Variants in CACNA2D2 observed in about 807,000 individuals in gnomAD.
The protein encoded by CACNA2D2 is calcium voltage-gated channel auxiliary subunit alpha2delta 2.
A neutral mutation model predicts 166.4 loss-of-function variants in CACNA2D2; 48 were observed. That is an observed-to-expected ratio of 0.29 (90% confidence interval 0.23 to 0.37). The LOEUF is 0.37. Among genes scored for constraint, CACNA2D2 ranks in the 10% least tolerant of loss-of-function variants. The pLI is 1.00. For missense variants in CACNA2D2, 1,122 were observed against 1,433.0 expected, an observed-to-expected ratio of 0.78 and a Z score of 3.50; for synonymous variants, 561 against 573.7, an observed-to-expected ratio of 0.98 and a Z score of 0.32.
intron 2 of CACNA2D2, among the ~76,000 whole-genome samples, chr3:50,454,354 C>G (rs1298736869): frequency 6.6e-6 from 1 of 152,194 alleles, no homozygotes; most frequent in African/African-American, 2.4e-5. Flanking sequence ...GGGGGAGACT[C>G]GGGCAGAGGA....
At chr3:50,419,710 C>T (rs918027641) in intron 3 of CACNA2D2, 1 of 152,268 alleles carries the variant, frequency 6.6e-6, no homozygotes, top group African/African-American at 2.4e-5. Context: ...ACAGAGCCCT[C>T]AGGAGCTGGT....
chr3:50,429,592 C>CAA (rs1160685582), intron 3 of CACNA2D2, among the ~76,000 whole-genome samples: 6,072 of 52,398 alleles, frequency 0.12, 641 homozygotes, highest in East Asian at 0.39. Flanking sequence ...ACTAAAAATA[C>CAA]AAAAAAAAAA....
intron 3 of CACNA2D2, among the ~76,000 whole-genome samples, chr3:50,415,605 T>C (rs1707233922): frequency 1.3e-5 from 2 of 152,246 alleles, no homozygotes; most frequent in Admixed American, 1.3e-4. Flanking sequence ...CATCAGGTCC[T>C]CTGTTCCAGG....
chr3:50,485,874 C>T (rs1559996734), intron 1 of CACNA2D2, among the ~76,000 whole-genome samples: 2 of 152,102 alleles, frequency 1.3e-5, no homozygotes, highest in Non-Finnish European at 2.9e-5. Flanking sequence ...CCCGGGCCTC[C>T]CAGGGGCAAG....
chr3:50,370,993 G>A (rs991902878), intron 22 of CACNA2D2, among the ~76,000 whole-genome samples: 3 of 152,074 alleles, frequency 2.0e-5, no homozygotes, highest in Admixed American at 6.6e-5. Context: ...AACCAGAGAC[G>A]GGTCGGGGCA....
Position 50,370,304 on chromosome 3 carries a change from G to A in CACNA2D2, c.2045+16C>T. 1 of 1,570,562 alleles carries A rather than the reference G, an allele frequency of 6.4e-7. No individual in the cohort carries two copies. The highest frequency in any genetic ancestry group is 8.6e-7 in the Non-Finnish European group (1 of 1,157,888). The stretch of plus-strand genomic sequence containing the variant: ...GGGTAGGGGAGGACACCTCAGCAAG[G>A]CCACACGCAAGCTACCTGGGAGCAA... On this transcript the variant is annotated intron_variant, in intron 23 of 37. Coordinates refer to ENST00000424201, the MANE Select transcript of CACNA2D2 (RefSeq NM_006030.4).
chr3:50,384,302 A>G lies in CACNA2D2; in HGVS notation c.546T>C (p.Ser182=). The G allele has an allele frequency of 6.2e-7, 1 of 1,614,144 alleles. No homozygotes were observed. Among genetic ancestry groups the G allele is most frequent in the Non-Finnish European group, 8.5e-7 (1 of 1,179,988 alleles). Residue 182 remains serine (S), a synonymous_variant, in exon 6 of 38, where the codon TCT becomes TCC. Coordinates refer to ENST00000424201, the MANE Select transcript of CACNA2D2 (RefSeq NM_006030.4). ...AGTCCAGCCTTAGGGTGCTGGCCTTAGACCCCCTTTCCACATCCTCACTCT... is the reference window on the plus strand; with the variant it reads ...AGTCCAGCCTTAGGGTGCTGGCCTTGGACCCCCTTTCCACATCCTCACTCT... ...DPESEDVERG[S]KASTLRLDFI...
chr3:50,484,008 G>A (rs1017595715), intron 1 of CACNA2D2, among the ~76,000 whole-genome samples: 1 of 152,130 alleles, frequency 6.6e-6, no homozygotes, highest in African/African-American at 2.4e-5. Flanking sequence ...AGTCTTCAAT[G>A]CCCAGCTGCG....
Position 50,380,066 on chromosome 3 carries a change from G to T in CACNA2D2, c.843-48C>A. 6.3e-7 allele frequency: 1 copy of T among 1,586,188 alleles called. No homozygotes were observed. The highest frequency in any genetic ancestry group is 8.7e-7 in the Non-Finnish European group (1 of 1,154,878). ...AGGGTAAGGCCCACTGGGACCTTGT[G>T]GGTCCTTCCTTCCTTCACATACATA... On this transcript the variant is annotated intron_variant, in intron 8 of 37. Transcript: ENST00000424201. The surrounding 1 kb of genome is among the most constrained non-coding windows in gnomAD (Gnocchi z 4.9).
chr3:50,364,044 C>T lies in CACNA2D2; in HGVS notation c.*622G>A, dbSNP rs1704076053. On this transcript the variant is annotated 3_prime_UTR_variant, in exon 38 of 38. Coordinates refer to ENST00000424201, the MANE Select transcript of CACNA2D2 (RefSeq NM_006030.4). Reference sequence around the variant, plus strand: ...CAGTGGGGTATGTCGAATGTGAGTCCAGTTTCCATCCTCAATGTTCCAGGT... The same window carrying T: ...CAGTGGGGTATGTCGAATGTGAGTCTAGTTTCCATCCTCAATGTTCCAGGT... 2 of 153,214 alleles carry T rather than the reference C, an allele frequency of 1.3e-5. 1 individual carries two copies. Among genetic ancestry groups the T allele is most frequent in the South Asian group, 4.1e-4 (2 of 4,936 alleles). 9.5% of individuals were successfully genotyped at this position (153,214 alleles called of 1,614,324 possible). A position where few individuals can be genotyped will look rare whatever the true frequency, so the allele number is the denominator to read the frequency against.
intron 1 of CACNA2D2, among the ~76,000 whole-genome samples, chr3:50,493,263 G>C (rs1045725578): frequency 6.6e-6 from 1 of 152,188 alleles, no homozygotes; most frequent in African/African-American, 2.4e-5. Flanking sequence ...GGTAAATCCT[G>C]ATTAGCCGGA....
At chr3:50,444,042 G>T (rs1010086033) in intron 2 of CACNA2D2, among the ~76,000 whole-genome samples, 3 of 152,174 alleles carry the variant, frequency 2.0e-5, no homozygotes, top group African/African-American at 7.2e-5. Context: ...CGGAATTGAG[G>T]CCAGGAAGAA....
intron 2 of CACNA2D2, among the ~76,000 whole-genome samples, chr3:50,474,239 T>C (rs576081918): frequency 6.6e-6 from 1 of 152,134 alleles, no homozygotes; most frequent in Non-Finnish European, 1.5e-5. Flanking sequence ...ATCTCTCAAG[T>C]CCCATGAGAA....
Position 50,380,785 on chromosome 3 carries a change from T to C in CACNA2D2, c.805A>G (p.Lys269Glu). Residue 269 changes from lysine to glutamate, a missense_variant, in exon 8 of 38, where the codon AAG becomes GAG. This residue lies in a region of CACNA2D2 where 840 missense variants were observed against 1,166.8 expected (regional missense o/e 0.72). Transcript: ENST00000424201. The surrounding 1 kb of genome is among the most constrained non-coding windows in gnomAD (Gnocchi z 4.9). Reference protein sequence around the residue: ...YYPATPWRAPKKIDLYDVRRR... With the variant: ...YYPATPWRAPEKIDLYDVRRR... ...CGGACATCGTACAGGTCGATCTTCT[T>C]GGGGGCTCGCCACGGGGTGGCTGAG... The C allele has an allele frequency of 6.5e-7, 1 of 1,545,908 alleles. No homozygotes were observed. Among genetic ancestry groups the C allele is most frequent in the Non-Finnish European group, 8.7e-7 (1 of 1,146,760 alleles).
intron 22 of CACNA2D2, among the ~76,000 whole-genome samples, chr3:50,371,292 TTGGGCCTGTGCCC>T (rs771249817): frequency 1.1e-4 from 17 of 152,166 alleles, no homozygotes; most frequent in Non-Finnish European, 1.8e-4. Context: ...GCATCCCCAG[TTGGGCCTGTGCCC>T]TGGGCTTATG....
intron 3 of CACNA2D2, among the ~76,000 whole-genome samples, chr3:50,408,859 G>A (rs1332910699): frequency 6.6e-6 from 1 of 152,246 alleles, no homozygotes; most frequent in Non-Finnish European, 1.5e-5. Context: ...AACTGGAGAG[G>A]GCAGGACAGC....
At chr3:50,378,797 C>T (rs1705127844) in intron 13 of CACNA2D2, 118 bp downstream of exon 13, 1 of 1,218,854 alleles carries the variant, frequency 8.2e-7, no homozygotes, top group African/African-American at 1.5e-5. Context: ...TGGGAGGAGG[C>T]ACACTGTCTT....
intron 2 of CACNA2D2, among the ~76,000 whole-genome samples, chr3:50,437,078 A>C (rs2106904139): frequency 6.6e-6 from 1 of 152,312 alleles, no homozygotes; most frequent in Middle Eastern, 3.4e-3. Context: ...CCAAAAGCAG[A>C]GCTCTGGGGC....
intron 2 of CACNA2D2, among the ~76,000 whole-genome samples, chr3:50,466,271 CAT>C (rs752128219): frequency 2.9e-4 from 40 of 140,298 alleles, no homozygotes; most frequent in Admixed American, 6.1e-4. Flanking sequence ...TGTGTGTGCG[CAT>C]GTGTGTGTGT....
Sources: gnomAD v4.1 joint callset for allele counts (sites outside exome capture counted in the v4.1 genomes callset) on GRCh38, gnomAD v4.1.1 for gene constraint, gnomAD v4.1.1 regional missense constraint, Gnocchi (gnomAD v3.1) non-coding constraint, MANE v1.5 for transcripts, NCBI Gene and HGNC (gene_info 2026-07-23, HGNC 2026-07-21) for gene names.